Variants in NFIL3 observed in about 807,000 individuals in gnomAD.
NFIL3 encodes nuclear factor interleukin-3-regulated protein.
In NFIL3, 5 loss-of-function variants were observed where a neutral mutation model predicts 10.0. The observed-to-expected ratio is 0.50, with a 90% CI of 0.26 to 1.06. The LOEUF is 1.06. Ranked by LOEUF, NFIL3 falls within the 50% of genes least tolerant of loss-of-function variation. The pLI is 0.13. For synonymous variants in NFIL3, 202 were observed against 206.5 expected (o/e 0.98, Z 0.19); for missense variants, 436 against 547.6 (o/e 0.80, Z 2.03).
chr9:91,458,891 C>A, the NFIL3 span, among the ~76,000 whole-genome samples: 2 of 151,986 alleles, frequency 1.3e-5, no homozygotes, highest in African/African-American at 4.8e-5. Flanking sequence ...GAGGTTGGGG[C>A]AAAGTTTAAT....
At chr9:91,464,507 T>C in the NFIL3 span, among the ~76,000 whole-genome samples, 1 of 152,140 alleles carries the variant, frequency 6.6e-6, no homozygotes, top group Admixed American at 6.6e-5. Context: ...AATAGCCCCA[T>C]ACAATGTTAT....
chr9:91,465,526 A>G, the NFIL3 span, among the ~76,000 whole-genome samples: 1 of 151,408 alleles, frequency 6.6e-6, no homozygotes, highest in Non-Finnish European at 1.5e-5. Context: ...TATTTTTCCC[A>G]TTAGAGCTCT....
chr9:91,423,005 G>A (rs1325144270), intron 1 of NFIL3, among the ~76,000 whole-genome samples: 3 of 152,168 alleles, frequency 2.0e-5, no homozygotes, highest in African/African-American at 7.2e-5. Flanking sequence ...ATTATGCAAT[G>A]TATGAAAGGA....
chr9:91,424,520 C>T (rs1212285560), upstream of NFIL3, among the ~76,000 whole-genome samples: 1 of 152,134 alleles, frequency 6.6e-6, no homozygotes, highest in Non-Finnish European at 1.5e-5. Flanking sequence ...CGCAGGGCTG[C>T]GCGGCGGAGG....
chr9:91,429,041 A>G, the NFIL3 span, among the ~76,000 whole-genome samples: 4 of 152,250 alleles, frequency 2.6e-5, no homozygotes, highest in Admixed American at 1.3e-4. Context: ...CACAGCTAGC[A>G]GGGCTATGAG....
At chr9:91,466,439 G>T in the NFIL3 span, among the ~76,000 whole-genome samples, 5 of 152,132 alleles carry the variant, frequency 3.3e-5, no homozygotes, top group African/African-American at 1.2e-4. Context: ...TGTAAAAAGA[G>T]AACTGCAATT....
the NFIL3 span, among the ~76,000 whole-genome samples, chr9:91,477,707 A>C: frequency 6.6e-6 from 1 of 152,354 alleles, no homozygotes; most frequent in South Asian, 2.1e-4. Context: ...AAAACTAATA[A>C]AAATGTGCAA....
the NFIL3 span, among the ~76,000 whole-genome samples, chr9:91,464,906 C>T: frequency 2.0e-5 from 3 of 152,176 alleles, no homozygotes; most frequent in South Asian, 6.2e-4. Flanking sequence ...TCTATCTTTG[C>T]TCTCTTAGCG....
the NFIL3 span, among the ~76,000 whole-genome samples, chr9:91,454,233 C>CAA: frequency 4.8e-4 from 29 of 60,066 alleles, no homozygotes; most frequent in African/African-American, 1.4e-3. Flanking sequence ...GACTCTGTCT[C>CAA]AAAAAAAAAA....
the NFIL3 span, among the ~76,000 whole-genome samples, chr9:91,435,133 C>A: frequency 6.6e-5 from 10 of 152,192 alleles, no homozygotes; most frequent in Non-Finnish European, 1.5e-4. Flanking sequence ...CCACTGCCCC[C>A]ACTAGGCATA....
chr9:91,448,318 G>T, the NFIL3 span, among the ~76,000 whole-genome samples: 1 of 152,166 alleles, frequency 6.6e-6, no homozygotes, highest in Non-Finnish European at 1.5e-5. Flanking sequence ...AGTTACATTT[G>T]ATGAGGACTT....
At position 91,409,911 on chromosome 9, in the gene NFIL3, G is replaced by A. The variant is rs1463742754; in HGVS notation, c.824C>T (p.Ser275Leu). 3.7e-6 allele frequency: 6 copies of A among 1,613,854 alleles called. No individual in the cohort carries two copies. Among genetic ancestry groups the A allele is most frequent in the Middle Eastern group, 1.6e-4 (1 of 6,062 alleles). The change falls in exon 2 of 2, where the codon TCG becomes TTG. Residue 275 changes from serine (S) to leucine (L), a missense_variant. Transcript: ENST00000297689. ...TCCTACCACACCATCATCAGTTTCC[G>A]ACGTTCTCGGGGAGTTGCTGGAGGA... ...NRSSSNSPRT[S>L]ETDDGVVGKS...
At chr9:91,447,087 A>C in the NFIL3 span, among the ~76,000 whole-genome samples, 1 of 152,156 alleles carries the variant, frequency 6.6e-6, no homozygotes, top group Non-Finnish European at 1.5e-5. Flanking sequence ...AAATGCTGGG[A>C]TTACAGATGT....
At chr9:91,420,917 C>T (rs1011967963) in intron 1 of NFIL3, among the ~76,000 whole-genome samples, 1 of 151,724 alleles carries the variant, frequency 6.6e-6, no homozygotes, top group Non-Finnish European at 1.5e-5. Context: ...TAAAAAAAAT[C>T]GGCTCAACTC....
At chr9:91,454,243 A>G in the NFIL3 span, among the ~76,000 whole-genome samples, 1 of 151,710 alleles carries the variant, frequency 6.6e-6, no homozygotes, top group Non-Finnish European at 1.5e-5. Flanking sequence ...CAAAAAAAAA[A>G]AAAAAAAGAA....
At chr9:91,464,004 C>T in the NFIL3 span, among the ~76,000 whole-genome samples, 1 of 151,854 alleles carries the variant, frequency 6.6e-6, no homozygotes, top group African/African-American at 2.4e-5. Context: ...TATATCATTC[C>T]CCATCCTTTA....
upstream of NFIL3, among the ~76,000 whole-genome samples, chr9:91,424,928 A>G (rs906651064): frequency 6.6e-6 from 1 of 152,228 alleles, no homozygotes; most frequent in Non-Finnish European, 1.5e-5. Flanking sequence ...AAAAAAATGG[A>G]AAAAAGAGCA....
the NFIL3 span, among the ~76,000 whole-genome samples, chr9:91,435,050 C>T: frequency 6.6e-6 from 1 of 152,164 alleles, no homozygotes; most frequent in African/African-American, 2.4e-5. Flanking sequence ...TGTGCTTTCC[C>T]TGGTTTTCTT....
chr9:91,450,868 T>C, the NFIL3 span, among the ~76,000 whole-genome samples: 1 of 152,148 alleles, frequency 6.6e-6, no homozygotes, highest in Non-Finnish European at 1.5e-5. Context: ...ATCCTAAAGA[T>C]CTCTTGACTC....
Sources: gnomAD v4.1 joint callset for allele counts (sites outside exome capture counted in the v4.1 genomes callset) on GRCh38, gnomAD v4.1.1 for gene constraint, MANE v1.5 for transcripts, NCBI Gene and HGNC (gene_info 2026-07-23, HGNC 2026-07-21) for gene names.